Variants in NES observed in about 807,000 individuals in gnomAD.
The protein encoded by NES is nestin.
Under a neutral mutation model 35.6 loss-of-function variants are expected in NES, and 27 were observed. That is an observed-to-expected ratio of 0.76 (90% CI 0.56 to 1.04). NES has a LOEUF of 1.04. NES is among the 50% of genes least tolerant of loss of function. NES has a pLI of 0.00. For missense variants in NES, 1,867 were observed against 1,983.6 expected, an observed-to-expected ratio of 0.94 and a Z score of 1.12; for synonymous variants, 822 against 824.2, an observed-to-expected ratio of 1.00 and a Z score of 0.04.
Position 156,670,344 on chromosome 1 carries a change from T to A in NES, c.3844A>T (p.Ser1282Cys). ...TCATCCTCCTCGCTCTCTTCTCTGC[T>A]CTCCTCCCCTTCCTCCTGGGGGCCC... ...PEGPQEEGEESREESEEDELG... is the reference protein window; with the variant it reads ...PEGPQEEGEECREESEEDELG... Residue 1282 changes from serine to cysteine, a missense_variant, in exon 4 of 4, where the codon AGC becomes TGC. Coordinates refer to ENST00000368223, the MANE Select transcript of NES (RefSeq NM_006617.2). 6.2e-7 allele frequency: 1 copy of A among 1,611,144 alleles called. No homozygotes were observed. The highest frequency in any genetic ancestry group is 8.5e-7 in the Non-Finnish European group (1 of 1,178,314).
rs892090594 is a variant in NES, at chr1:156,672,483, C to G, written c.1705G>C (p.Glu569Gln). ...TLENQSHETL[E>Q]RENQECPRSL... is the part of the protein sequence containing the mutation. ...CTCGGACATTCTTGATTCTCCCTTT[C>G]TAGTGTCTCATGGCTCTGGTTTTCC... Residue 569 changes from glutamate (E) to glutamine (Q), a missense_variant, in exon 4 of 4, where the codon GAA (glutamate) becomes CAA (glutamine). Transcript: ENST00000368223. 3.7e-6 allele frequency: 6 copies of G among 1,612,720 alleles called. No homozygotes were observed. The African/African-American group carries it at 8.0e-5, about 22-fold the overall frequency.
chr1:156,670,865 A>G lies in NES; in HGVS notation c.3323T>C (p.Leu1108Pro), dbSNP rs771594509. 1 of 808,942 alleles carries G rather than the reference A, an allele frequency of 1.2e-6. No individual in the cohort carries two copies. Among genetic ancestry groups the G allele is most frequent in the South Asian group, 1.3e-5 (1 of 75,544 alleles). 50.1% of individuals were successfully genotyped at this position (808,942 alleles called of 1,614,324 possible). A position where few individuals can be genotyped will look rare whatever the true frequency, so the allele number is the denominator to read the frequency against. ...EPGPGQGVGG[L>P]GDPGHLTREE... ...CCTGGTCAGATGGCCTGGGTCCCCC[A>G]GCCCTCCCACCCCCTGCCCCGGGCC... Residue 1108 changes from leucine to proline, a missense_variant, in exon 4 of 4, where the codon CTG (leucine) becomes CCG (proline). By Grantham distance (98) the Leu-to-Pro change is moderately conservative (BLOSUM62 -3). Transcript: ENST00000368223.
At chr1:156,673,590 A>G in intron 2 of NES, 63 bp from the exon 3 acceptor site, 1 of 1,271,918 alleles carries the variant, frequency 7.9e-7, no homozygotes, top group East Asian at 2.4e-5. Context: ...GCAGCAAGCC[A>G]GCTGGGGACA....
At position 156,672,184 on chromosome 1, in the gene NES, T is replaced by G; in HGVS notation, c.2004A>C (p.Thr668=). ...GCTCTTGATTCTCCTTTTCCAGAGC[T>G]GTCAATGACTCTAAGTTCTCTTGCA... ...SSLQENLESL[T]ALEKENQEPL... Residue 668 remains threonine, a synonymous_variant, in exon 4 of 4, where the codon ACA becomes ACC. Coordinates refer to ENST00000368223, the MANE Select transcript of NES (RefSeq NM_006617.2). 1 of 1,610,840 alleles carries G rather than the reference T, an allele frequency of 6.2e-7. No homozygotes were observed. Among genetic ancestry groups the G allele is most frequent in the Non-Finnish European group, 8.5e-7 (1 of 1,179,312 alleles).
chr1:156,669,230 A>T lies in NES; in HGVS notation c.*92T>A. The T allele has an allele frequency of 3.6e-6, 3 of 836,700 alleles. No individual in the cohort carries two copies. Among genetic ancestry groups the T allele is most frequent in the Non-Finnish European group, 3.6e-6 (2 of 548,868 alleles). 51.8% of individuals were successfully genotyped at this position (836,700 alleles called of 1,614,324 possible). The stretch of plus-strand genomic sequence containing the variant: ...ACCATATGTCAAGAGATCGTAAGTT[A>T]AGAGTGCTGCTCCTGAGCAGGGAGC... On this transcript the variant is annotated 3_prime_UTR_variant, in exon 4 of 4. Coordinates refer to ENST00000368223, the MANE Select transcript of NES (RefSeq NM_006617.2).
In NES at chr1:156,676,861, C is replaced by T; in HGVS notation, c.404G>A (p.Arg135His). 6.6e-7 allele frequency: 1 copy of T among 1,515,928 alleles called. No individual in the cohort carries two copies. 93.9% of individuals were successfully genotyped at this position (1,515,928 alleles called of 1,614,324 possible). ...WLSSQVAELE[R>H]ELEALRVAHE... The stretch of plus-strand genomic sequence containing the variant: ...CGCCACGCGTAGAGCCTCTAGCTCG[C>T]GCTCCAGCTCTGCCACCTGGCTACT... The change falls in exon 1 of 4, where the codon CGC (arginine) becomes CAC (histidine). Residue 135 changes from arginine (R) to histidine (H), a missense_variant. Physicochemically the swap from Arg to His is conservative, Grantham distance 29. Transcript: ENST00000368223. The surrounding 1 kb of genome is among the most constrained non-coding windows in gnomAD (Gnocchi z 5.3).
Position 156,669,961 on chromosome 1 carries a change from G to A in NES, c.4227C>T (p.Ser1409=), listed in dbSNP as rs11582300. 992,371 of 1,612,362 alleles carry A rather than the reference G, an allele frequency of 0.62. 308,953 individuals carry two copies. The highest frequency in any genetic ancestry group is 0.81 in the East Asian group (36,263 of 44,758). Reference sequence around the variant, plus strand: ...TTTCTTCCTCATCTGCAAACCCATCGGACTCCCCATCTCGATCCCAGGCTG... The same window carrying A: ...TTTCTTCCTCATCTGCAAACCCATCAGACTCCCCATCTCGATCCCAGGCTG... ...DPAAWDRDGE[S]DGFADEEESG... is the part of the protein sequence containing the mutation. Residue 1409 remains serine, a synonymous_variant, in exon 4 of 4, where the codon TCC becomes TCT. Coordinates refer to ENST00000368223, the MANE Select transcript of NES (RefSeq NM_006617.2).
At position 156,671,868 on chromosome 1, in the gene NES, G is replaced by T. The variant is rs367813710; in HGVS notation, c.2320C>A (p.Gln774Lys). The T allele has an allele frequency of 4.5e-5, 72 of 1,613,854 alleles. No homozygotes were observed. Among genetic ancestry groups the T allele is most frequent in the Non-Finnish European group, 5.6e-5 (66 of 1,179,972 alleles). Residue 774 changes from glutamine to lysine, a missense_variant, in exon 4 of 4, where the codon CAG (glutamine) becomes AAG (lysine). Gln to Lys is a moderately conservative substitution (Grantham distance 53). Transcript: ENST00000368223. ...QRRRSLGEQD[Q>K]MTLRPPEKVD... Reference sequence around the variant, plus strand: ...TTTTCTGGGGGTCTTAATGTCATCTGATCCTGTTCCCCTAGAGACCTCCGT... The same window carrying T: ...TTTTCTGGGGGTCTTAATGTCATCTTATCCTGTTCCCCTAGAGACCTCCGT...
rs768006018 is a variant in NES at position 156,670,360 on chromosome 1, C to A, written c.3828G>T (p.Gln1276His). The A allele has an allele frequency of 1.2e-6, 2 of 1,608,954 alleles. No individual in the cohort carries two copies. The highest frequency in any genetic ancestry group is 1.7e-6 in the Non-Finnish European group (2 of 1,177,342). Residue 1276 changes from glutamine (Q) to histidine (H), a missense_variant, in exon 4 of 4, where the codon CAG becomes CAT. By Grantham distance (24) the Gln-to-His change is conservative. Transcript: ENST00000368223. ...LGSGEIPEGP[Q>H]EEGEESREES... Reference sequence around the variant, plus strand: ...CTTCTCTGCTCTCCTCCCCTTCCTCCTGGGGGCCCTCGGGGATCTCCCCAG... The same window carrying A: ...CTTCTCTGCTCTCCTCCCCTTCCTCATGGGGGCCCTCGGGGATCTCCCCAG...
Position 156,677,341 on chromosome 1 carries a change from C to CG in NES, c.-78dup. On this transcript the variant is annotated 5_prime_UTR_variant, in exon 1 of 4. Coordinates refer to ENST00000368223, the MANE Select transcript of NES (RefSeq NM_006617.2). This position sits in a 1 kb window ranked among gnomAD's most constrained non-coding sequence, Gnocchi z 4.5. Reference sequence around the variant, plus strand: ...GGAGCGGCTCGCAGAGCTTTTAGGACGGAAGAGAAAAGAGACCGACGGGGA... The same window carrying CG: ...GGAGCGGCTCGCAGAGCTTTTAGGACGGGAAGAGAAAAGAGACCGACGGGGA... 2 of 762,760 alleles carry CG rather than the reference C, an allele frequency of 2.6e-6. No homozygotes were observed. Among genetic ancestry groups the CG allele is most frequent in the East Asian group, 2.0e-4 (2 of 9,966 alleles). 47.2% of individuals were successfully genotyped at this position (762,760 alleles called of 1,614,324 possible).
At position 156,676,599 on chromosome 1, in the gene NES, G is replaced by A; in HGVS notation, c.666C>T (p.Arg222=). The A allele has an allele frequency of 6.4e-7, 1 of 1,570,634 alleles. No individual in the cohort carries two copies. The highest frequency in any genetic ancestry group is 8.6e-7 in the Non-Finnish European group (1 of 1,166,674). Residue 222 remains arginine (R), a synonymous_variant, in exon 1 of 4, where the codon CGC becomes CGT. Transcript: ENST00000368223. The surrounding 1 kb of genome is among the most constrained non-coding windows in gnomAD (Gnocchi z 5.3). ...GRAVQGAREG[R]LELQQLQAER... ...CAGCCTGGAGCTGCTGCAGCTCCAGGCGGCCCTCGCGGGCACCCTGCACCG... is the reference window on the plus strand; with the variant it reads ...CAGCCTGGAGCTGCTGCAGCTCCAGACGGCCCTCGCGGGCACCCTGCACCG...
rs760879257 is a variant in NES, at chr1:156,672,964, C to T, written c.1224G>A (p.Gln408=). 3 of 1,614,096 alleles carry T rather than the reference C, an allele frequency of 1.9e-6. No homozygotes were observed. The highest frequency in any genetic ancestry group is 2.5e-6 in the Non-Finnish European group (3 of 1,180,036). Residue 408 remains glutamine, a synonymous_variant, in exon 4 of 4, where the codon CAG becomes CAA. Transcript: ENST00000368223. The part of the protein sequence containing the change: ...SPAVDAEIRA[Q]DAPLSLLQTQ... Reference sequence around the variant, plus strand: ...TCTGGAGCAGAGAGAGAGGAGCATCCTGGGCTCTGATCTCTGCATCTACAG... The same window carrying T: ...TCTGGAGCAGAGAGAGAGGAGCATCTTGGGCTCTGATCTCTGCATCTACAG...
In NES at chr1:156,670,044, C is replaced by T. The variant is rs780662215; in HGVS notation, c.4144G>A (p.Val1382Ile). 2 of 1,613,946 alleles carry T rather than the reference C, an allele frequency of 1.2e-6. No homozygotes were observed. Among genetic ancestry groups the T allele is most frequent in the African/African-American group, 2.7e-5 (2 of 74,922 alleles). The change falls in exon 4 of 4, where the codon GTC becomes ATC. Residue 1382 changes from valine (V) to isoleucine (I), a missense_variant. By Grantham distance (29) the Val-to-Ile change is conservative (BLOSUM62 3). Transcript: ENST00000368223. The stretch of plus-strand genomic sequence containing the variant: ...AGAGGTTCTGCCACCTCCCCAGGGA[C>T]CCCAGGAAGAAAAGGTGCCTCAGTC... The part of the protein sequence containing the change: ...LGTEAPFLPG[V>I]PGEVAEPLGQ...
At position 156,675,245 on chromosome 1, in the gene NES, C is replaced by T. The variant is rs940435415; in HGVS notation, c.879G>A (p.Met293Ile). ...ACGTGGCCACCTCCAGGCTGAGGGA[C>T]ATCTTGAGGTGCGCCAGCTGCTGCC... Reference protein sequence around the residue: ...EGRQQLAHLKMSLSLEVATYR... With the variant: ...EGRQQLAHLKISLSLEVATYR... Residue 293 changes from methionine to isoleucine, a missense_variant, in exon 2 of 4, where the codon ATG (methionine) becomes ATA (isoleucine). Coordinates refer to ENST00000368223, the MANE Select transcript of NES (RefSeq NM_006617.2). The T allele has an allele frequency of 1.9e-6, 3 of 1,613,558 alleles. No homozygotes were observed. In the African/African-American group the frequency reaches 4.0e-5, roughly 22 times the overall value.
In NES at chr1:156,670,070, C is replaced by G; in HGVS notation, c.4118G>C (p.Gly1373Ala). ...SDLSEEFEDLGTEAPFLPGVP... is the reference protein window; with the variant it reads ...SDLSEEFEDLATEAPFLPGVP... ...CCCAGGAAGAAAAGGTGCCTCAGTC[C>G]CCAGGTCCTCAAATTCTTCTGACAG... The change falls in exon 4 of 4, where the codon GGG becomes GCG. Residue 1373 changes from glycine (G) to alanine (A), a missense_variant. Coordinates refer to ENST00000368223, the MANE Select transcript of NES (RefSeq NM_006617.2). 6.2e-7 allele frequency: 1 copy of G among 1,614,052 alleles called. No homozygotes were observed. The highest frequency in any genetic ancestry group is 8.5e-7 in the Non-Finnish European group (1 of 1,179,962).
chr1:156,673,429 G>T (rs1481981923), intron 3 of NES, 25 bp downstream of exon 3: 5 of 1,599,380 alleles, frequency 3.1e-6, no homozygotes, highest in Admixed American at 1.7e-5. Context: ...GGTAGTTTCT[G>T]GGGGAACTTG....
rs1256513902 is a variant in NES, at chr1:156,670,290, G to T, written c.3898C>A (p.Pro1300Thr). The part of the protein sequence containing the change: ...ELGETLPDST[P>T]LGFYLRSPTS... The stretch of plus-strand genomic sequence containing the variant: ...GGGGACCTGAGGTAGAAGCCCAGGG[G>T]AGTGGAGTCTGGAAGGGTCTCCCCG... The change falls in exon 4 of 4, where the codon CCC (proline) becomes ACC (threonine). Residue 1300 changes from proline (P) to threonine (T), a missense_variant. Pro to Thr is a conservative substitution (Grantham distance 38). Coordinates refer to ENST00000368223, the MANE Select transcript of NES (RefSeq NM_006617.2). The T allele has an allele frequency of 2.5e-6, 4 of 1,611,978 alleles. No individual in the cohort carries two copies. The highest frequency in any genetic ancestry group is 2.5e-6 in the Non-Finnish European group (3 of 1,178,736).
At position 156,677,144 on chromosome 1, in the gene NES, C is replaced by G. The variant is rs759279990; in HGVS notation, c.121G>C (p.Gly41Arg). 1.4e-5 allele frequency: 22 copies of G among 1,610,370 alleles called. No individual in the cohort carries two copies. Among genetic ancestry groups the G allele is most frequent in the Non-Finnish European group, 1.8e-5 (21 of 1,178,982 alleles). Reference protein sequence around the residue: ...EQNELLSAELGGLRAQSADTS... With the variant: ...EQNELLSAELRGLRAQSADTS... ...TCCGCGGATTGTGCCCGGAGCCCCC[C>G]GAGCTCCGCGCTGAGCAGCTCATTC... The change falls in exon 1 of 4, where the codon GGG (glycine) becomes CGG (arginine). Residue 41 changes from glycine (G) to arginine (R), a missense_variant. Transcript: ENST00000368223. This position sits in a 1 kb window ranked among gnomAD's most constrained non-coding sequence, Gnocchi z 4.5.
chr1:156,670,394 T>C lies in NES; in HGVS notation c.3794A>G (p.Glu1265Gly), dbSNP rs377134864. Residue 1265 changes from glutamate to glycine, a missense_variant, in exon 4 of 4, where the codon GAG becomes GGG. Glu to Gly is a moderately conservative substitution (Grantham distance 98). Coordinates refer to ENST00000368223, the MANE Select transcript of NES (RefSeq NM_006617.2). ...CTCGGGGATCTCCCCAGAACCCAAC[T>C]CCTCCTGCTCGCTCTCTACTTTCCC... ...ALGKVESEQE[E>G]LGSGEIPEGP... 4.4e-6 allele frequency: 7 copies of C among 1,586,194 alleles called. No individual in the cohort carries two copies. The highest frequency in any genetic ancestry group is 1.7e-4 in the Middle Eastern group (1 of 5,940).
Sources: allele counts gnomAD v4.1 joint callset, GRCh38; gene constraint gnomAD v4.1.1; non-coding constraint Gnocchi (gnomAD v3.1); transcripts MANE v1.5; gene names NCBI Gene and HGNC (gene_info 2026-07-23, HGNC 2026-07-21).